CIMIP5: variants seen among roughly 807,000 people sequenced by gnomAD.
The protein encoded by CIMIP5 is uncharacterized protein C2orf50.
the CIMIP5 span, chr2:11,146,021 C>T: frequency 3.3e-5 from 5 of 152,196 alleles, no homozygotes; most frequent in African/African-American, 1.2e-4. Context: ...AAATCCCGAA[C>T]ATACATTAAT....
the CIMIP5 span, among the ~76,000 whole-genome samples, chr2:11,148,509 A>G: frequency 6.6e-6 from 1 of 152,106 alleles, no homozygotes; most frequent in Non-Finnish European, 1.5e-5. Context: ...GAAAAATTCA[A>G]AAAGTGATGA....
the CIMIP5 span, among the ~76,000 whole-genome samples, chr2:11,136,428 A>G: frequency 6.6e-6 from 1 of 152,200 alleles, no homozygotes; most frequent in Admixed American, 6.5e-5. Context: ...TCTCAGCTTG[A>G]ATAATTAATA....
chr2:11,136,805 C>A, the CIMIP5 span, among the ~76,000 whole-genome samples: 1 of 152,172 alleles, frequency 6.6e-6, no homozygotes, highest in Non-Finnish European at 1.5e-5. Flanking sequence ...GCATTGGCCC[C>A]AGCGATGTGA....
chr2:11,140,058 G>A, the CIMIP5 span, among the ~76,000 whole-genome samples: 1 of 126,204 alleles, frequency 7.9e-6, no homozygotes, highest in East Asian at 2.4e-4. Flanking sequence ...CTGCACTTCA[G>A]CCTAGGTGAC....
chr2:11,145,717 C>T, the CIMIP5 span: 1 of 152,212 alleles, frequency 6.6e-6, no homozygotes. Flanking sequence ...CTTTCCCCAT[C>T]AGCTGAAGAA....
At chr2:11,142,069 C>A in the CIMIP5 span, among the ~76,000 whole-genome samples, 1 of 151,998 alleles carries the variant, frequency 6.6e-6, no homozygotes, top group African/African-American at 2.4e-5. Context: ...AGTTCAAGAC[C>A]AGCCTGACCA....
chr2:11,135,632 T>C, the CIMIP5 span, among the ~76,000 whole-genome samples: 4 of 149,810 alleles, frequency 2.7e-5, 1 homozygote, highest in Admixed American at 2.0e-4. Context: ...GTTTTTACCA[T>C]GTTGGCCAGG....
chr2:11,152,748 C>T, the CIMIP5 span, among the ~76,000 whole-genome samples: 3 of 152,136 alleles, frequency 2.0e-5, no homozygotes, highest in East Asian at 1.9e-4. Flanking sequence ...AGAGGAGCCT[C>T]GCAGATCAGC....
the CIMIP5 span, among the ~76,000 whole-genome samples, chr2:11,139,150 T>G: frequency 6.6e-6 from 1 of 152,116 alleles, no homozygotes; most frequent in Non-Finnish European, 1.5e-5. Flanking sequence ...ACTCCTGACC[T>G]CAGGTGATCC....
chr2:11,149,026 G>C, the CIMIP5 span, among the ~76,000 whole-genome samples: 2 of 152,024 alleles, frequency 1.3e-5, no homozygotes, highest in Non-Finnish European at 2.9e-5. Context: ...GAGCCACTGC[G>C]CCTGGCCATG....
the CIMIP5 span, among the ~76,000 whole-genome samples, chr2:11,141,477 G>T: frequency 7.9e-5 from 12 of 152,094 alleles, no homozygotes; most frequent in Admixed American, 3.3e-4. Flanking sequence ...TCCCCTGCTG[G>T]AATGTCCTTC....
chr2:11,137,640 T>G, the CIMIP5 span, among the ~76,000 whole-genome samples: 1 of 152,012 alleles, frequency 6.6e-6, no homozygotes, highest in Non-Finnish European at 1.5e-5. Context: ...ACCAAAGAAA[T>G]GCATGAGTCC....
At chr2:11,152,311 G>T in the CIMIP5 span, among the ~76,000 whole-genome samples, 1 of 152,216 alleles carries the variant, frequency 6.6e-6, no homozygotes, top group Non-Finnish European at 1.5e-5. Flanking sequence ...AAGGCACAAA[G>T]GTGGTCTTTT....
the CIMIP5 span, chr2:11,133,523 C>T: frequency 6.2e-7 from 1 of 1,608,108 alleles, no homozygotes; most frequent in East Asian, 2.2e-5. Flanking sequence ...GAGCTGCCTG[C>T]GATGGCGTGC....
At chr2:11,133,721 G>A in the CIMIP5 span, 1 of 1,385,272 alleles carries the variant, frequency 7.2e-7, no homozygotes, top group Non-Finnish European at 9.5e-7. Context: ...ATGCCCGGGG[G>A]AAGGTGGGTC....
the CIMIP5 span, among the ~76,000 whole-genome samples, chr2:11,134,699 A>G: frequency 0.017 from 2,604 of 152,206 alleles, 87 homozygotes; most frequent in African/African-American, 0.058. Flanking sequence ...TTCTTTATTC[A>G]TTTGTCAATG....
chr2:11,136,461 G>A, the CIMIP5 span, among the ~76,000 whole-genome samples: 1 of 152,208 alleles, frequency 6.6e-6, no homozygotes, highest in African/African-American at 2.4e-5. Context: ...AAATGATGAA[G>A]ATGCTGAGTT....
the CIMIP5 span, among the ~76,000 whole-genome samples, chr2:11,142,818 C>T: frequency 6.7e-6 from 1 of 148,650 alleles, no homozygotes; most frequent in African/African-American, 2.5e-5. Context: ...CTCCTGGGCT[C>T]TAGTGATCCT....
chr2:11,152,992 C>T, the CIMIP5 span, among the ~76,000 whole-genome samples: 1 of 152,206 alleles, frequency 6.6e-6, no homozygotes, highest in Non-Finnish European at 1.5e-5. Context: ...TATTCTGTGC[C>T]TCTCAATAAC....
Sources: allele counts gnomAD v4.1 joint callset (sites outside exome capture counted in the v4.1 genomes callset), GRCh38; gene constraint gnomAD v4.1.1; transcripts MANE v1.5; gene names NCBI Gene and HGNC (gene_info 2026-07-23, HGNC 2026-07-21).